Variants in OR5M3 observed in about 807,000 individuals in gnomAD.
The protein encoded by OR5M3 is olfactory receptor family 5 subfamily M member 3, also known as olfactory receptor 5M3.
For synonymous variants in OR5M3, 129 were observed against 131.3 expected, an observed-to-expected ratio of 0.98 and a Z score of 0.12; for missense variants, 384 against 378.6, an observed-to-expected ratio of 1.01 and a Z score of -0.12.
In OR5M3 at chr11:56,470,042, C is replaced by T; in HGVS notation, c.456G>A (p.Leu152=). Reference sequence around the variant, plus strand: ...TCCATAATGTTGCTGCCAGACTCGTCAGAAAACCATAAATGTAAGGGAAAG... The same window carrying T: ...TCCATAATGTTGCTGCCAGACTCGTTAGAAAACCATAAATGTAAGGGAAAG... ...LITFPYIYGF[L]TSLAATLWTY... The change falls in exon 2 of 2, where the codon CTG becomes CTA. Residue 152 remains leucine (L), a synonymous_variant. Coordinates refer to ENST00000641993, the MANE Select transcript of OR5M3 (RefSeq NM_001004742.3). 6.2e-7 allele frequency: 1 copy of T among 1,612,698 alleles called. No individual in the cohort carries two copies. The highest frequency in any genetic ancestry group is 1.3e-5 in the African/African-American group (1 of 74,980).
At position 56,473,297 on chromosome 11, in the gene OR5M3, T is replaced by G. The variant is rs1853684744; in HGVS notation, c.-121A>C. ...TGCTATATATGGGAATGGTAAACAC[T>G]TTCAACCTGATGAAAGGGAAACTTG... On this transcript the variant is annotated 5_prime_UTR_variant, in exon 1 of 2. Transcript: ENST00000641993. 6.6e-6 allele frequency: 1 copy of G among 152,152 alleles called. No homozygotes were observed. The highest frequency in any genetic ancestry group is 1.5e-5 in the Non-Finnish European group (1 of 68,018). The allele number at this position is 152,152 out of a possible 1,614,324, so 9.4% of individuals were successfully genotyped here. A position where few individuals can be genotyped will look rare whatever the true frequency, so the allele number is the denominator to read the frequency against.
At chr11:56,471,987 C>G (rs1460412362) in intron 1 of OR5M3, among the ~76,000 whole-genome samples, 1 of 151,984 alleles carries the variant, frequency 6.6e-6, no homozygotes, top group Non-Finnish European at 1.5e-5. Context: ...CATATTATTA[C>G]TGGTTAGCAG....
At position 56,473,281 on chromosome 11, in the gene OR5M3, T is replaced by C. The variant is rs115701156; in HGVS notation, c.-105A>G. The C allele has an allele frequency of 6.6e-6, 1 of 152,218 alleles. No homozygotes were observed. The highest frequency in any genetic ancestry group is 2.4e-5 in the African/African-American group (1 of 41,546). 9.4% of individuals were successfully genotyped at this position (152,218 alleles called of 1,614,324 possible). ...AGAGTTGAAAAGCGCATGCTATATA[T>C]GGGAATGGTAAACACTTTCAACCTG... On this transcript the variant is annotated 5_prime_UTR_variant, in exon 1 of 2. Coordinates refer to ENST00000641993, the MANE Select transcript of OR5M3 (RefSeq NM_001004742.3).
rs565499711 is a variant in OR5M3, at chr11:56,469,969, A to G, written c.529T>C (p.Cys177Arg). ...CGKIEINHFY[C>R]ADPPLIKMAC... Reference sequence around the variant, plus strand: ...ATTTTGATGAGAGGTGGATCTGCACAGTAGAAATGGTTGATCTCAATTTTT... The same window carrying G: ...ATTTTGATGAGAGGTGGATCTGCACGGTAGAAATGGTTGATCTCAATTTTT... The change falls in exon 2 of 2, where the codon TGT becomes CGT. Residue 177 changes from cysteine to arginine, a missense_variant. Cys to Arg is a radical substitution (Grantham distance 180). Transcript: ENST00000641993. The G allele has an allele frequency of 6.2e-7, 1 of 1,613,554 alleles. No homozygotes were observed. The highest frequency in any genetic ancestry group is 1.3e-5 in the African/African-American group (1 of 75,026).
Position 56,469,311 on chromosome 11 carries a change from T to A in OR5M3, c.*263A>T, listed in dbSNP as rs1387305572. On this transcript the variant is annotated 3_prime_UTR_variant, in exon 2 of 2. Transcript: ENST00000641993. Reference sequence around the variant, plus strand: ...TAAGAAAACGTCTTTTGGTTGCAGCTATTTGAGCAATTTCCCTTAGTACAC... The same window carrying A: ...TAAGAAAACGTCTTTTGGTTGCAGCAATTTGAGCAATTTCCCTTAGTACAC... 3.5e-6 allele frequency: 1 copy of A among 282,444 alleles called. No individual in the cohort carries two copies. 17.5% of individuals were successfully genotyped at this position (282,444 alleles called of 1,614,324 possible).
chr11:56,469,700 C>A lies in OR5M3; in HGVS notation c.798G>T (p.Val266=), dbSNP rs1325033054. 2 of 1,609,314 alleles carry A rather than the reference C, an allele frequency of 1.2e-6. No individual in the cohort carries two copies. Among genetic ancestry groups the A allele is most frequent in the African/African-American group, 2.7e-5 (2 of 74,912 alleles). ...MYLRRPTEES[V]EQGKMVAVFY... ...ACACAGCCACCATCTTCCCCTGCTC[C>A]ACAGACTCCTCTGTGGGACGTCTGA... The change falls in exon 2 of 2, where the codon GTG becomes GTT. Residue 266 remains valine (V), a synonymous_variant. Coordinates refer to ENST00000641993, the MANE Select transcript of OR5M3 (RefSeq NM_001004742.3).
intron 1 of OR5M3, among the ~76,000 whole-genome samples, chr11:56,472,108 A>G (rs1220966182): frequency 6.6e-6 from 1 of 152,100 alleles, no homozygotes; most frequent in African/African-American, 2.4e-5. Context: ...CTTGGAAAGA[A>G]CATTTTTCTA....
At position 56,470,054 on chromosome 11, in the gene OR5M3, A is replaced by C. The variant is rs1406541619; in HGVS notation, c.444T>G (p.Ile148Met). 3 of 1,611,580 alleles carry C rather than the reference A, an allele frequency of 1.9e-6. No homozygotes were observed. The highest frequency in any genetic ancestry group is 3.3e-5 in the Admixed American group (2 of 59,930). ...CTGCCAGACTCGTCAGAAAACCATA[A>C]ATGTAAGGGAAAGTAATCAGTCGAA... ...VCIRLITFPYIYGFLTSLAAT... is the reference protein window; with the variant it reads ...VCIRLITFPYMYGFLTSLAAT... The change falls in exon 2 of 2, where the codon ATT becomes ATG. Residue 148 changes from isoleucine to methionine, a missense_variant. Ile to Met is a conservative substitution (Grantham distance 10). Transcript: ENST00000641993.
At position 56,473,296 on chromosome 11, in the gene OR5M3, CT is replaced by C. The variant is rs1197908149; in HGVS notation, c.-121del. On this transcript the variant is annotated 5_prime_UTR_variant, in exon 1 of 2. Transcript: ENST00000641993. ...ATGCTATATATGGGAATGGTAAACA[CT>C]TTCAACCTGATGAAAGGGAAACTTG... is the stretch of plus-strand genomic sequence containing the variant. The C allele has an allele frequency of 6.6e-6, 1 of 152,150 alleles. No homozygotes were observed. Among genetic ancestry groups the C allele is most frequent in the African/African-American group, 2.4e-5 (1 of 41,446 alleles). 9.4% of individuals were successfully genotyped at this position (152,150 alleles called of 1,614,324 possible). A position where few individuals can be genotyped will look rare whatever the true frequency, so the allele number is the denominator to read the frequency against.
At position 56,470,085 on chromosome 11, in the gene OR5M3, A is replaced by G. The variant is rs140601667; in HGVS notation, c.413T>C (p.Val138Ala). ...LLYGSKMSRVVCIRLITFPYI... is the reference protein window; with the variant it reads ...LLYGSKMSRVACIRLITFPYI... Reference sequence around the variant, plus strand: ...AGGGAAAGTAATCAGTCGAATACAGACAACCCTTGACATTTTACTGCCATA... The same window carrying G: ...AGGGAAAGTAATCAGTCGAATACAGGCAACCCTTGACATTTTACTGCCATA... The change falls in exon 2 of 2, where the codon GTC (valine) becomes GCC (alanine). Residue 138 changes from valine (V) to alanine (A), a missense_variant. By Grantham distance (64) the Val-to-Ala change is moderately conservative (BLOSUM62 0). Coordinates refer to ENST00000641993, the MANE Select transcript of OR5M3 (RefSeq NM_001004742.3). The G allele has an allele frequency of 7.7e-5, 124 of 1,605,998 alleles. 2 individuals carry two copies. Among genetic ancestry groups the G allele is most frequent in the Non-Finnish European group, 1.0e-4 (122 of 1,172,966 alleles).
intron 1 of OR5M3, among the ~76,000 whole-genome samples, chr11:56,472,776 T>A (rs1452523567): frequency 2.0e-5 from 3 of 152,114 alleles, no homozygotes; most frequent in Non-Finnish European, 4.4e-5. Flanking sequence ...AAATATGGAT[T>A]CTTTTCCAGA....
chr11:56,473,007 T>C (rs1264864586), intron 1 of OR5M3, among the ~76,000 whole-genome samples: 7 of 152,242 alleles, frequency 4.6e-5, no homozygotes, highest in African/African-American at 1.7e-4. Flanking sequence ...TATTAACACA[T>C]AATAAATATG....
chr11:56,469,875 G>A lies in OR5M3; in HGVS notation c.623C>T (p.Ser208Phe), dbSNP rs371770735. ...GTAAGAGATGATAATTACAGTCAGG[G>A]AATATGTGAAGTTAATGCCGGCAAG... Reference protein sequence around the residue: ...IILAGINFTYSLTVIIISYLF... With the variant: ...IILAGINFTYFLTVIIISYLF... Residue 208 changes from serine (S) to phenylalanine (F), a missense_variant, in exon 2 of 2, where the codon TCC (serine) becomes TTC (phenylalanine). By Grantham distance (155) the Ser-to-Phe change is radical. Coordinates refer to ENST00000641993, the MANE Select transcript of OR5M3 (RefSeq NM_001004742.3). 3.7e-6 allele frequency: 6 copies of A among 1,613,050 alleles called. No individual in the cohort carries two copies. Among genetic ancestry groups the A allele is most frequent in the Non-Finnish European group, 5.1e-6 (6 of 1,179,044 alleles).
Position 56,469,625 on chromosome 11 carries a change from C to A in OR5M3, c.873G>T (p.Arg291Ser). 6.5e-7 allele frequency: 1 copy of A among 1,529,368 alleles called. No individual in the cohort carries two copies. Among genetic ancestry groups the A allele is most frequent in the Non-Finnish European group, 8.8e-7 (1 of 1,131,114 alleles). The allele number at this position is 1,529,368 out of a possible 1,614,324, so 94.7% of individuals were successfully genotyped here. The change falls in exon 2 of 2, where the codon AGG becomes AGT. Residue 291 changes from arginine to serine, a missense_variant. Coordinates refer to ENST00000641993, the MANE Select transcript of OR5M3 (RefSeq NM_001004742.3). Reference sequence around the variant, plus strand: ...TCATGGCCTTTTTCACATCCTTGTTCCTCAGACTGTAGATCATGGGATTCA... The same window carrying A: ...TCATGGCCTTTTTCACATCCTTGTTACTCAGACTGTAGATCATGGGATTCA... ...PMLNPMIYSL[R>S]NKDVKKAMMK...
intron 1 of OR5M3, among the ~76,000 whole-genome samples, chr11:56,470,784 T>A (rs1398572382): frequency 1.3e-5 from 2 of 152,000 alleles, no homozygotes; most frequent in Non-Finnish European, 2.9e-5. Flanking sequence ...ATTTCCAAGA[T>A]TATTTCATTA....
At position 56,470,007 on chromosome 11, in the gene OR5M3, A is replaced by G. The variant is rs752689449; in HGVS notation, c.491T>C (p.Leu164Ser). The G allele has an allele frequency of 1.2e-6, 2 of 1,613,718 alleles. No homozygotes were observed. Among genetic ancestry groups the G allele is most frequent in the Non-Finnish European group, 1.7e-6 (2 of 1,179,672 alleles). Residue 164 changes from leucine (L) to serine (S), a missense_variant, in exon 2 of 2, where the codon TTG (leucine) becomes TCG (serine). Coordinates refer to ENST00000641993, the MANE Select transcript of OR5M3 (RefSeq NM_001004742.3). ...SLAATLWTYG[L>S]YFCGKIEINH... ...GATCTCAATTTTTCCACAGAAGTACAAGCCGTAAGTCCATAATGTTGCTGC... is the reference window on the plus strand; with the variant it reads ...GATCTCAATTTTTCCACAGAAGTACGAGCCGTAAGTCCATAATGTTGCTGC...
chr11:56,473,011 A>T (rs1462728652), intron 1 of OR5M3, among the ~76,000 whole-genome samples: 1 of 152,164 alleles, frequency 6.6e-6, no homozygotes, highest in East Asian at 1.9e-4. Flanking sequence ...AACACATAAT[A>T]AATATGAAAA....
intron 1 of OR5M3, among the ~76,000 whole-genome samples, chr11:56,472,862 T>C (rs563985224): frequency 6.6e-6 from 1 of 152,104 alleles, no homozygotes; most frequent in African/African-American, 2.4e-5. Flanking sequence ...GGATCCAGGC[T>C]CTATGATTTA....
rs1853652643 is a variant in OR5M3, at chr11:56,470,240, A to G, written c.258T>C (p.Asp86=). The G allele has an allele frequency of 6.2e-7, 1 of 1,613,172 alleles. No homozygotes were observed. Among genetic ancestry groups the G allele is most frequent in the Non-Finnish European group, 8.5e-7 (1 of 1,179,302 alleles). Residue 86 remains aspartate (D), a synonymous_variant, in exon 2 of 2, where the codon GAT becomes GAC. Transcript: ENST00000641993. ...TPKMLENLLS[D]KKTITYAGCL... ...AACCAGCATAAGTAATTGTTTTTTTATCTGATAACAGGTTTTCCAACATTT... is the reference window on the plus strand; with the variant it reads ...AACCAGCATAAGTAATTGTTTTTTTGTCTGATAACAGGTTTTCCAACATTT...
Sources: gnomAD v4.1 joint callset for allele counts (sites outside exome capture counted in the v4.1 genomes callset) on GRCh38, gnomAD v4.1.1 for gene constraint, MANE v1.5 for transcripts, NCBI Gene and HGNC (gene_info 2026-07-23, HGNC 2026-07-21) for gene names.